The following PRAME variants were observed in gnomAD, a reference collection of about 807,000 sequenced individuals.
PRAME encodes melanoma antigen preferentially expressed in tumors.
PRAME carries 21 observed loss-of-function variants against 32.1 expected under a neutral mutation model. The observed-to-expected ratio is 0.65, with a 90% confidence interval of 0.46 to 0.94. The LOEUF is 0.94. Ranked by LOEUF, PRAME falls within the 40% of genes least tolerant of loss-of-function variation. PRAME has a pLI of 0.00. For synonymous variants in PRAME, 274 were observed against 251.5 expected, an observed-to-expected ratio of 1.09 and a Z score of -0.85; for missense variants, 651 against 622.3, an observed-to-expected ratio of 1.05 and a Z score of -0.49.
Position 22,548,400 on chromosome 22 carries a change from C to T in PRAME, c.1197G>A (p.Leu399=), listed in dbSNP as rs763530059. The T allele has an allele frequency of 6.2e-7, 1 of 1,613,434 alleles. No homozygotes were observed. The highest frequency in any genetic ancestry group is 1.1e-5 in the South Asian group (1 of 91,062). ...GCTGGGAGCAGTGGCTCAGGGAAGG[C>T]AGGAGGGCAAGGAGCTGATCATCCG... ...GITDDQLLAL[L]PSLSHCSQLT... The change falls in exon 6 of 6, where the codon CTG becomes CTA. Residue 399 remains leucine (L), a synonymous_variant. Transcript: ENST00000405655.
At chr22:22,555,750 T>C in intron 3 of PRAME, 1 of 418,810 alleles carries the variant, frequency 2.4e-6, no homozygotes, top group South Asian at 1.7e-5. Context: ...TCAACCCAGG[T>C]TGCATGTTCT....
chr22:22,548,130 G>C lies in PRAME; in HGVS notation c.1467C>G (p.His489Gln). The part of the protein sequence containing the change: ...MVWLSANPCP[H>Q]CGDRTFYDPE... ...GGTCATAGAAGGTTCTGTCCCCACA[G>C]TGAGGACAGGGGTTGGCACTAAGCC... The change falls in exon 6 of 6, where the codon CAC becomes CAG. Residue 489 changes from histidine to glutamine, a missense_variant. Coordinates refer to ENST00000405655, the MANE Select transcript of PRAME (RefSeq NM_206956.3). The C allele has an allele frequency of 6.2e-7, 1 of 1,613,832 alleles. No individual in the cohort carries two copies. The highest frequency in any genetic ancestry group is 1.1e-5 in the South Asian group (1 of 91,068).
At chr22:22,555,731 C>A (rs75939651) in intron 3 of PRAME, 29,062 of 399,830 alleles carry the variant, frequency 0.073, 1,456 homozygotes, top group Non-Finnish European at 0.1. Context: ...CAGCACAAGT[C>A]TCCCGGCTTC....
chr22:22,553,817 G>T, intron 3 of PRAME: 1 of 985,172 alleles, frequency 1.0e-6, no homozygotes, highest in Non-Finnish European at 1.2e-6. Context: ...AATTAAAGAA[G>T]TTGTCAGAAG....
intron 3 of PRAME, among the ~76,000 whole-genome samples, chr22:22,552,451 C>T (rs1388880556): frequency 1.4e-5 from 2 of 142,040 alleles, no homozygotes; most frequent in African/African-American, 2.6e-5. Context: ...TTAACATATA[C>T]AAAATGGCAG....
chr22:22,553,754 G>A (rs1476665592), intron 3 of PRAME: 6 of 976,444 alleles, frequency 6.1e-6, no homozygotes, highest in Non-Finnish European at 7.3e-6. Context: ...GGTTTCTTAG[G>A]AATCTTGGAG....
chr22:22,550,841 T>G lies in PRAME; in HGVS notation c.270A>C (p.Gln90His), dbSNP rs531364304. 1 of 1,613,224 alleles carries G rather than the reference T, an allele frequency of 6.2e-7. No homozygotes were observed. The highest frequency in any genetic ancestry group is 1.7e-5 in the Admixed American group (1 of 59,958). ...CLPLGVLMKGQHLHLETFKAV... is the reference protein window; with the variant it reads ...CLPLGVLMKGHHLHLETFKAV... ...CTTTGAAGGTCTCCAGGTGAAGATGTTGTCCCTTCATCAGCACTCCCAGAG... is the reference window on the plus strand; with the variant it reads ...CTTTGAAGGTCTCCAGGTGAAGATGGTGTCCCTTCATCAGCACTCCCAGAG... The change falls in exon 4 of 6, where the codon CAA becomes CAC. Residue 90 changes from glutamine to histidine, a missense_variant. Transcript: ENST00000405655.
At chr22:22,556,174 T>C (rs2062904253) in intron 3 of PRAME, among the ~76,000 whole-genome samples, 2 of 151,470 alleles carry the variant, frequency 1.3e-5, no homozygotes, top group Admixed American at 1.3e-4. Context: ...TAATTTTTTT[T>C]CTATTTTTAG....
Position 22,549,905 on chromosome 22 carries a change from C to T in PRAME, c.774G>A (p.Gln258=). The change falls in exon 5 of 6, where the codon CAG becomes CAA. Residue 258 remains glutamine (Q), a synonymous_variant. Coordinates refer to ENST00000405655, the MANE Select transcript of PRAME (RefSeq NM_206956.3). ...TLAKFSPYLG[Q]MINLRRLLLS... ...GGAGGAGTCTACGCAGATTAATCAT[C>T]TGGCCCAGGTAAGGAGAAAATTTCG... The T allele has an allele frequency of 6.2e-7, 1 of 1,613,860 alleles. No individual in the cohort carries two copies.
intron 3 of PRAME, among the ~76,000 whole-genome samples, chr22:22,553,448 G>T (rs1490665805): frequency 2.0e-5 from 3 of 151,850 alleles, no homozygotes; most frequent in Admixed American, 6.6e-5. Context: ...AGGTTTTTTT[G>T]GGGGCGGAAT....
chr22:22,557,196 G>A, intron 2 of PRAME: 1 of 324,760 alleles, frequency 3.1e-6, no homozygotes, highest in Non-Finnish European at 5.7e-6. Context: ...CTCTGCTCCC[G>A]CCTTCCTAGG....
chr22:22,555,934 C>A, intron 3 of PRAME: 1 of 469,848 alleles, frequency 2.1e-6, no homozygotes, highest in Non-Finnish European at 4.4e-6. Flanking sequence ...TCTGATTACC[C>A]CGGGGAAAGG....
intron 3 of PRAME, chr22:22,553,935 T>A (rs1479925114): frequency 1.0e-6 from 1 of 985,170 alleles, no homozygotes; most frequent in Non-Finnish European, 1.2e-6. Flanking sequence ...CCTTCCTAAG[T>A]ATTACTAATG....
chr22:22,558,638 C>G (rs1399118485), intron 1 of PRAME, among the ~76,000 whole-genome samples: 1 of 58,590 alleles, frequency 1.7e-5, no homozygotes, highest in Non-Finnish European at 3.5e-5. Flanking sequence ...AGGGTGGGGG[C>G]AGGGTGGAAA....
intron 3 of PRAME, chr22:22,554,041 A>G (rs1455183649): frequency 7.1e-6 from 7 of 985,084 alleles, no homozygotes; most frequent in East Asian, 1.1e-4. Context: ...CCTATCAATT[A>G]GACTCAGTTT....
At chr22:22,551,813 G>A (rs1224610577) in intron 3 of PRAME, among the ~76,000 whole-genome samples, 1 of 151,798 alleles carries the variant, frequency 6.6e-6, no homozygotes, top group Admixed American at 6.6e-5. Flanking sequence ...TATTTATGGT[G>A]TACAATATGA....
chr22:22,553,565 A>ATC (rs1231871719), intron 3 of PRAME, among the ~76,000 whole-genome samples: 16 of 151,882 alleles, frequency 1.1e-4, no homozygotes, highest in Non-Finnish European at 2.4e-4. Flanking sequence ...GCAGGGAGGG[A>ATC]GTTCAATCTT....
In PRAME at chr22:22,558,721, T is replaced by A. The variant is rs184639043; in HGVS notation, c.-114+250A>T. On this transcript the variant is annotated intron_variant, in intron 1 of 5. Transcript: ENST00000405655. ...TGACTGGGAGTGTGGGACGGGGTGT[T>A]CTGGGATCACGGAGACGTCCAAGTC... Among the ~76,000 whole-genome samples, 1,365 of 150,772 alleles carry A rather than the reference T, an allele frequency of 9.1e-3. 24 individuals carry two copies. Among genetic ancestry groups the A allele is most frequent in the Non-Finnish European group, 0.01 (685 of 67,686 alleles).
intron 3 of PRAME, 102 bp downstream of exon 3, chr22:22,556,710 G>A (rs2147056351): frequency 7.1e-7 from 1 of 1,407,910 alleles, no homozygotes; most frequent in African/African-American, 1.4e-5. Context: ...TTCGTCTACT[G>A]TGAGGGACCT....
Sources: allele counts gnomAD v4.1 joint callset (sites outside exome capture counted in the v4.1 genomes callset), GRCh38; gene constraint gnomAD v4.1.1; transcripts MANE v1.5; gene names NCBI Gene and HGNC (gene_info 2026-07-23, HGNC 2026-07-21).